COL13A1: variants seen among roughly 807,000 people sequenced by gnomAD.
COL13A1 encodes the protein collagen alpha-1(XIII) chain.
In COL13A1, 89 loss-of-function variants were observed where a neutral mutation model predicts 130.9. That is an observed-to-expected ratio of 0.68 (90% confidence interval 0.57 to 0.81). COL13A1 has a LOEUF of 0.81. COL13A1 is among the 30% of genes least tolerant of loss of function. The pLI is 0.00. For missense variants in COL13A1, 879 were observed against 934.6 expected (o/e 0.94, Z 0.78); for synonymous variants, 402 against 341.6 (o/e 1.18, Z -1.95).
In COL13A1 at chr10:69,875,115, C is replaced by G; in HGVS notation, c.400-13C>G. On this transcript the variant is annotated splice_polypyrimidine_tract_variant and intron_variant, in intron 4 of 40. Coordinates refer to ENST00000645393, the MANE Select transcript of COL13A1 (RefSeq NM_001368882.1). ...CAACCACATCTGACTGTTTCTGCCT[C>G]CTTCATCATCAGGGGGACAAAGGTG... 6.2e-7 allele frequency: 1 copy of G among 1,614,002 alleles called. No homozygotes were observed. Among genetic ancestry groups the G allele is most frequent in the Non-Finnish European group, 8.5e-7 (1 of 1,179,892 alleles).
At chr10:69,887,901 CT>C (rs1349729617) in intron 8 of COL13A1, among the ~76,000 whole-genome samples, 1 of 152,140 alleles carries the variant, frequency 6.6e-6, no homozygotes, top group Non-Finnish European at 1.5e-5. Flanking sequence ...TTGACCTCTG[CT>C]TATGGGGCCT....
At chr10:69,908,332 TTTGTA>T (rs2063006541) in intron 17 of COL13A1, among the ~76,000 whole-genome samples, 1 of 152,132 alleles carries the variant, frequency 6.6e-6, no homozygotes, top group African/African-American at 2.4e-5. Flanking sequence ...AACTAAGACA[TTTGTA>T]TTGTATCAGG....
At chr10:69,898,433 C>T (rs544368917) in intron 13 of COL13A1, among the ~76,000 whole-genome samples, 2 of 152,318 alleles carry the variant, frequency 1.3e-5, no homozygotes, top group East Asian at 1.9e-4. Context: ...AGGCCGAGGC[C>T]GGGTGTGGAC....
chr10:69,810,123 A>G (rs1478433637), intron 1 of COL13A1, among the ~76,000 whole-genome samples: 1 of 152,076 alleles, frequency 6.6e-6, no homozygotes, highest in African/African-American at 2.4e-5. Context: ...AAACATTTTA[A>G]AGTTACTCTC....
rs561393827 is a variant in COL13A1, at chr10:69,897,551, T to G, written c.685-1146T>G. On this transcript the variant is annotated intron_variant, in intron 13 of 40. Transcript: ENST00000645393. ...CTGAAGGTTTGTAGGTTCTGGAAGG[T>G]CTCCGGGCCCCTCTCCACTGAGAGG... 16 of 1,613,488 alleles carry G rather than the reference T, an allele frequency of 9.9e-6. No homozygotes were observed. In the East Asian group the frequency reaches 3.3e-4, roughly 34 times the overall value.
chr10:69,859,290 C>A (rs1000428085), intron 2 of COL13A1, among the ~76,000 whole-genome samples: 1 of 152,104 alleles, frequency 6.6e-6, no homozygotes, highest in Admixed American at 6.5e-5. Context: ...ACTTTTGTAC[C>A]AACATAATAA....
chr10:69,957,015 C>T lies in COL13A1; in HGVS notation c.2157C>T (p.Gly719=). ...CTTTCTCCTTGCAGGGCGAAGATGG[C>T]TTACCAGTCCAAGGCTGCTGGAACA... ...LDAPCPLGED[G]LPVQGCWNK is the part of the protein sequence containing the mutation. The change falls in exon 40 of 41, where the codon GGC becomes GGT. Residue 719 remains glycine (G), a synonymous_variant. Coordinates refer to ENST00000645393, the MANE Select transcript of COL13A1 (RefSeq NM_001368882.1). 6.2e-7 allele frequency: 1 copy of T among 1,613,820 alleles called. No homozygotes were observed. The highest frequency in any genetic ancestry group is 8.5e-7 in the Non-Finnish European group (1 of 1,179,748).
At chr10:69,940,058 C>T (rs1485187703) in intron 34 of COL13A1, among the ~76,000 whole-genome samples, 3 of 152,192 alleles carry the variant, frequency 2.0e-5, no homozygotes, top group Non-Finnish European at 4.4e-5. Context: ...ACATTGGAAT[C>T]ATTAGAAAAG....
At chr10:69,828,261 G>A (rs902273199) in intron 2 of COL13A1, among the ~76,000 whole-genome samples, 19 of 152,026 alleles carry the variant, frequency 1.2e-4, no homozygotes, top group Non-Finnish European at 2.5e-4. Context: ...TGCGATGTTA[G>A]CCTCAGTCCT....
At chr10:69,937,494 G>A (rs935581734) in intron 33 of COL13A1, 141 bp from the exon 34 acceptor site, 29 of 600,576 alleles carry the variant, frequency 4.8e-5, no homozygotes, top group African/African-American at 1.9e-4. Context: ...AGAATTCAGG[G>A]ATTCTTGGTA....
In COL13A1 at chr10:69,889,401, C is replaced by T; in HGVS notation, c.577-13C>T. The T allele has an allele frequency of 3.7e-6, 6 of 1,609,924 alleles. No homozygotes were observed. The South Asian group carries it at 4.5e-5, about 12-fold the overall frequency. On this transcript the variant is annotated splice_polypyrimidine_tract_variant and intron_variant, in intron 9 of 40. Transcript: ENST00000645393. ...GAACAGTGCACCTGGTACTCACCCTCTTCTCCTTCCAGGGCCACCCAGGAC... is the reference window on the plus strand; with the variant it reads ...GAACAGTGCACCTGGTACTCACCCTTTTCTCCTTCCAGGGCCACCCAGGAC...
intron 30 of COL13A1, chr10:69,931,145 A>G (rs2135847323): frequency 2.2e-6 from 1 of 456,064 alleles, no homozygotes; most frequent in South Asian, 1.5e-5. Flanking sequence ...AACAGAAATC[A>G]TTGTCAGTCT....
chr10:69,824,464 T>A (rs1846985478), intron 2 of COL13A1, among the ~76,000 whole-genome samples: 1 of 152,128 alleles, frequency 6.6e-6, no homozygotes, highest in Non-Finnish European at 1.5e-5. Flanking sequence ...CCTCAGAAAG[T>A]CAGGCTCAGG....
At chr10:69,858,989 A>G (rs537103663) in intron 2 of COL13A1, among the ~76,000 whole-genome samples, 254 of 152,278 alleles carry the variant, frequency 1.7e-3, no homozygotes, top group African/African-American at 5.9e-3. Flanking sequence ...CAGGGCAGTT[A>G]GATGATGCAT....
chr10:69,896,342 A>G (rs895214224), intron 13 of COL13A1, among the ~76,000 whole-genome samples: 1 of 152,164 alleles, frequency 6.6e-6, no homozygotes, highest in Admixed American at 6.5e-5. Context: ...AGGGGAGAGC[A>G]AGATACGCAC....
intron 2 of COL13A1, among the ~76,000 whole-genome samples, chr10:69,855,680 G>C (rs1364545160): frequency 6.8e-6 from 1 of 146,436 alleles, no homozygotes. Flanking sequence ...TTTACTTCCG[G>C]GCCTGAGGAA....
intron 9 of COL13A1, among the ~76,000 whole-genome samples, 164 bp downstream of exon 9, chr10:69,888,494 C>T (rs1470650453): frequency 6.6e-6 from 1 of 152,188 alleles, no homozygotes; most frequent in Non-Finnish European, 1.5e-5. Flanking sequence ...TGAGTCACCC[C>T]TGACCCCAGT....
intron 35 of COL13A1, among the ~76,000 whole-genome samples, chr10:69,943,361 C>T (rs1389776930): frequency 2.6e-5 from 4 of 152,228 alleles, no homozygotes; most frequent in African/African-American, 7.2e-5. Context: ...CAACAGGAGA[C>T]GCTGAACTAG....
chr10:69,867,748 G>GC lies in COL13A1; in HGVS notation c.365-45dup, dbSNP rs370793914. 504 of 716,574 alleles carry GC rather than the reference G, an allele frequency of 7.0e-4. 2 individuals are homozygous for GC. In the African/African-American group the frequency reaches 7.6e-3, roughly 11 times the overall value. The allele number at this position is 716,574 out of a possible 1,614,324, so 44.4% of individuals were successfully genotyped here. On this transcript the variant is annotated intron_variant, in intron 2 of 40. Transcript: ENST00000645393. ...CTGCTTCCAAGGCGGCCTCCCCACCGCCCCCTACAGCAATGACACTGACCC... is the reference window on the plus strand; with the variant it reads ...CTGCTTCCAAGGCGGCCTCCCCACCGCCCCCCTACAGCAATGACACTGACCC...
Sources: allele counts gnomAD v4.1 joint callset (sites outside exome capture counted in the v4.1 genomes callset), GRCh38; gene constraint gnomAD v4.1.1; transcripts MANE v1.5; gene names NCBI Gene and HGNC (gene_info 2026-07-23, HGNC 2026-07-21).